The following FMN1 variants were observed in gnomAD, a reference collection of about 807,000 sequenced individuals.
The protein encoded by FMN1 is formin 1.
FMN1 carries 110 observed loss-of-function variants against 132.4 expected under a neutral mutation model. That is an observed-to-expected ratio of 0.83 (90% confidence interval 0.71 to 0.97). FMN1 has a LOEUF of 0.97. Ranked by LOEUF, FMN1 falls within the 50% of genes least tolerant of loss-of-function variation. The probability of loss-of-function intolerance (pLI) is 0.00; values close to 1 mark genes in which losing one functional copy is unlikely to be tolerated. For synonymous variants in FMN1, 722 were observed against 651.7 expected, an observed-to-expected ratio of 1.11 and a Z score of -1.64; for missense variants, 1,792 against 1,705.3, an observed-to-expected ratio of 1.05 and a Z score of -0.90.
At chr15:33,149,556 G>A (rs1387697625) in intron 4 of FMN1, among the ~76,000 whole-genome samples, 1 of 152,070 alleles carries the variant, frequency 6.6e-6, no homozygotes, top group African/African-American at 2.4e-5. Flanking sequence ...GGGATTGCCA[G>A]GTCATAGTTA....
chr15:32,931,163 G>A (rs1381198244), intron 9 of FMN1, among the ~76,000 whole-genome samples: 1 of 152,026 alleles, frequency 6.6e-6, no homozygotes, highest in African/African-American at 2.4e-5. Context: ...TGGTGGTTTT[G>A]GCTACTCAGG....
intron 17 of FMN1, among the ~76,000 whole-genome samples, chr15:32,816,363 A>ATT (rs2141074791): frequency 6.6e-6 from 1 of 152,360 alleles, no homozygotes; most frequent in Admixed American, 6.5e-5. Flanking sequence ...TATCACACAC[A>ATT]TTATATATAT....
intron 10 of FMN1, among the ~76,000 whole-genome samples, chr15:32,923,944 A>G (rs2060893572): frequency 7.5e-6 from 1 of 133,590 alleles, no homozygotes; most frequent in Non-Finnish European, 1.6e-5. Flanking sequence ...CACCAGGCTC[A>G]TGGAGACCAC....
At position 32,800,117 on chromosome 15, in the gene FMN1, A is replaced by C. The variant is rs150038072; in HGVS notation, c.3981-1164T>G. Among the ~76,000 whole-genome samples, 85 of 152,324 alleles carry C rather than the reference A, an allele frequency of 5.6e-4. No individual in the cohort carries two copies. The East Asian group carries it at 0.015, about 28-fold the overall frequency. On this transcript the variant is annotated intron_variant, in intron 18 of 20. Transcript: ENST00000616417. ...GTTATTGGGCAATATGTATCTCATA[A>C]GATTTTATCACATTTCACAGATGAA...
intron 4 of FMN1, among the ~76,000 whole-genome samples, chr15:33,119,678 C>T (rs1443886333): frequency 2.0e-5 from 3 of 152,174 alleles, no homozygotes; most frequent in Admixed American, 2.0e-4. Context: ...CAGTTAAACA[C>T]AAAACTTCCA....
intron 2 of FMN1, among the ~76,000 whole-genome samples, chr15:33,190,902 A>G (rs1966053468): frequency 6.6e-6 from 1 of 152,108 alleles, no homozygotes; most frequent in African/African-American, 2.4e-5. Context: ...CGGACGTGGT[A>G]ACTCACGCCT....
chr15:33,034,201 G>A (rs541742946), intron 6 of FMN1, among the ~76,000 whole-genome samples: 1 of 152,210 alleles, frequency 6.6e-6, no homozygotes, highest in South Asian at 2.1e-4. Flanking sequence ...GACATCTCAA[G>A]TTTAACATAT....
intron 19 of FMN1, among the ~76,000 whole-genome samples, chr15:32,785,952 A>G (rs891792379): frequency 2.0e-5 from 3 of 152,360 alleles, no homozygotes; most frequent in Admixed American, 1.3e-4. Flanking sequence ...TCTCTTTAAA[A>G]AAAGATTTTA....
chr15:32,798,178 GC>G (rs1322536116), intron 19 of FMN1, among the ~76,000 whole-genome samples: 67,440 of 146,952 alleles, frequency 0.46, 15,749 homozygotes, highest in East Asian at 0.79. Flanking sequence ...TAAGGAAAAC[GC>G]ACACACACAC....
At chr15:33,094,688 A>G (rs1316508313) in intron 4 of FMN1, among the ~76,000 whole-genome samples, 2 of 152,232 alleles carry the variant, frequency 1.3e-5, no homozygotes, top group Non-Finnish European at 2.9e-5. Flanking sequence ...TTTAAATGAA[A>G]TAGCATTTTA....
chr15:32,990,358 G>C (rs1481932050), intron 7 of FMN1, among the ~76,000 whole-genome samples: 1 of 152,116 alleles, frequency 6.6e-6, no homozygotes, highest in South Asian at 2.1e-4. Context: ...AGATGTTGAG[G>C]GAGGAGTTCG....
intron 6 of FMN1, among the ~76,000 whole-genome samples, chr15:33,016,387 A>G (rs1295792407): frequency 6.6e-6 from 1 of 152,216 alleles, no homozygotes; most frequent in East Asian, 1.9e-4. Flanking sequence ...ATATTTAATA[A>G]GCTTATGAAA....
intron 3 of FMN1, among the ~76,000 whole-genome samples, chr15:33,158,690 A>G (rs1964774513): frequency 6.6e-6 from 1 of 152,226 alleles, no homozygotes; most frequent in Admixed American, 6.5e-5. Context: ...CCCAGGATCC[A>G]TAGGAGCCAA....
intron 4 of FMN1, among the ~76,000 whole-genome samples, chr15:33,131,000 A>T (rs916603486): frequency 6.6e-6 from 1 of 152,204 alleles, no homozygotes; most frequent in African/African-American, 2.4e-5. Context: ...AGAATCAGAT[A>T]GAATAATGTC....
chr15:33,095,101 A>C (rs919634152), intron 4 of FMN1, among the ~76,000 whole-genome samples: 6 of 152,168 alleles, frequency 3.9e-5, no homozygotes, highest in African/African-American at 1.4e-4. Flanking sequence ...TAATTCCAGC[A>C]CTTTGGGAAG....
intron 16 of FMN1, among the ~76,000 whole-genome samples, chr15:32,887,581 T>C (rs2059925421): frequency 6.6e-6 from 1 of 152,212 alleles, no homozygotes; most frequent in African/African-American, 2.4e-5. Context: ...ATTAGACTCA[T>C]ATATAAACCA....
intron 9 of FMN1, among the ~76,000 whole-genome samples, chr15:32,930,156 A>T (rs547176479): frequency 1.3e-5 from 2 of 151,636 alleles, no homozygotes; most frequent in South Asian, 4.2e-4. Context: ...CGCCCGGCTA[A>T]TTTTTTGCAT....
At chr15:33,159,082 T>A (rs1444210775) in intron 3 of FMN1, among the ~76,000 whole-genome samples, 1 of 152,208 alleles carries the variant, frequency 6.6e-6, no homozygotes, top group African/African-American at 2.4e-5. Flanking sequence ...TTTGGGTGGC[T>A]AAGGCATAAG....
intron 5 of FMN1, among the ~76,000 whole-genome samples, chr15:33,081,375 C>A (rs1311679182): frequency 6.6e-6 from 1 of 152,046 alleles, no homozygotes; most frequent in Non-Finnish European, 1.5e-5. Flanking sequence ...TACTTGAATA[C>A]AATATGTAAT....
Sources: allele counts gnomAD v4.1 joint callset (sites outside exome capture counted in the v4.1 genomes callset), GRCh38; gene constraint gnomAD v4.1.1; transcripts MANE v1.5; gene names NCBI Gene and HGNC (gene_info 2026-07-23, HGNC 2026-07-21).